TPP2: variants seen among roughly 807,000 people sequenced by gnomAD.
TPP2 encodes tripeptidyl peptidase 2, also known as tripeptidyl-peptidase 2.
TPP2 carries 34 observed loss-of-function variants against 155.9 expected under a neutral mutation model. The observed-to-expected ratio is 0.22, with a 90% CI of 0.17 to 0.29. The LOEUF (loss-of-function observed/expected upper bound fraction) is 0.29. TPP2 is among the 10% of genes least tolerant of loss of function. The pLI is 1.00. For missense variants in TPP2, 1,028 were observed against 1,522.3 expected, an observed-to-expected ratio of 0.68 and a Z score of 5.40; for synonymous variants, 510 against 529.4, an observed-to-expected ratio of 0.96 and a Z score of 0.50.
intron 3 of TPP2, among the ~76,000 whole-genome samples, chr13:102,615,184 A>G (rs1460027912): frequency 6.6e-6 from 1 of 152,222 alleles, no homozygotes; most frequent in Non-Finnish European, 1.5e-5. Flanking sequence ...TATAACTTCT[A>G]TTACATAATA....
intron 21 of TPP2, among the ~76,000 whole-genome samples, chr13:102,648,469 T>C (rs1883281182): frequency 6.6e-6 from 1 of 151,216 alleles, no homozygotes; most frequent in Non-Finnish European, 1.5e-5. Context: ...TGTGTGTGTA[T>C]TTGTCCTAGA....
intron 10 of TPP2, among the ~76,000 whole-genome samples, chr13:102,633,410 G>A (rs1882154733): frequency 1.3e-5 from 2 of 152,078 alleles, no homozygotes; most frequent in African/African-American, 4.8e-5. Context: ...ATTTTTCTTT[G>A]TATCTATTAA....
At chr13:102,638,583 C>A (rs1417663983) in intron 15 of TPP2, among the ~76,000 whole-genome samples, 1 of 152,178 alleles carries the variant, frequency 6.6e-6, no homozygotes, top group African/African-American at 2.4e-5. Context: ...CTGCATTGCC[C>A]AGTTCAGAGG....
At chr13:102,660,624 A>G (rs1040983660) in intron 25 of TPP2, among the ~76,000 whole-genome samples, 2 of 152,256 alleles carry the variant, frequency 1.3e-5, no homozygotes, top group Non-Finnish European at 2.9e-5. Flanking sequence ...GAAATTAACA[A>G]GCTGATTCTA....
Position 102,646,297 on chromosome 13 carries a change from A to G in TPP2, c.2397A>G (p.Pro799=), listed in dbSNP as rs1243070298. The G allele has an allele frequency of 6.2e-7, 1 of 1,611,682 alleles. No individual in the cohort carries two copies. The highest frequency in any genetic ancestry group is 8.5e-7 in the Non-Finnish European group (1 of 1,179,142). Residue 799 remains proline (P), a synonymous_variant, in exon 20 of 30, where the codon CCA becomes CCG. Coordinates refer to ENST00000376052, the MANE Select transcript of TPP2 (RefSeq NM_001330588.2). The part of the protein sequence containing the change: ...TLKNWVQTLR[P]VSAKTKPLGS... The stretch of plus-strand genomic sequence containing the variant: ...TTATGTAGTTTCCTCATTACAGCCC[A>G]GTGAGTGCAAAAACAAAACCTTTAG...
intron 1 of TPP2, among the ~76,000 whole-genome samples, chr13:102,603,561 G>T (rs180839618): frequency 2.6e-5 from 4 of 152,264 alleles, no homozygotes; most frequent in Non-Finnish European, 5.9e-5. Flanking sequence ...AAAAAGTTTG[G>T]CATGTTTCAG....
At chr13:102,676,148 CTT>C in intron 28 of TPP2, 146 bp from the exon 29 acceptor site, 4 of 697,056 alleles carry the variant, frequency 5.7e-6, no homozygotes, top group Non-Finnish European at 8.5e-6. Context: ...CACCAATTTT[CTT>C]TTTCAAAGTT....
intron 21 of TPP2, among the ~76,000 whole-genome samples, chr13:102,647,651 G>A (rs1450478181): frequency 2.0e-5 from 3 of 152,096 alleles, no homozygotes; most frequent in Non-Finnish European, 4.4e-5. Context: ...CCTATCTGAA[G>A]GTAGAATCAT....
chr13:102,648,605 T>C (rs12865178), intron 21 of TPP2, among the ~76,000 whole-genome samples: 8,334 of 152,130 alleles, frequency 0.055, 342 homozygotes, highest in Middle Eastern at 0.088. Context: ...TTGCTAAAAG[T>C]GTGGGAGTAT....
chr13:102,674,239 G>T (rs1278274124), intron 27 of TPP2, 44 bp from the exon 28 acceptor site: 1 of 1,563,228 alleles, frequency 6.4e-7, no homozygotes, highest in Admixed American at 1.9e-5. Context: ...TACTTTTAAA[G>T]ACATTTTACT....
chr13:102,670,858 A>T (rs1324058973), intron 27 of TPP2, among the ~76,000 whole-genome samples: 1 of 152,198 alleles, frequency 6.6e-6, no homozygotes, highest in Non-Finnish European at 1.5e-5. Flanking sequence ...TTCTAAGGAG[A>T]AGACAATTGT....
At chr13:102,608,772 C>G (rs1348608444) in intron 2 of TPP2, among the ~76,000 whole-genome samples, 2 of 152,004 alleles carry the variant, frequency 1.3e-5, no homozygotes, top group Non-Finnish European at 2.9e-5. Context: ...TCCTTTCTCC[C>G]TTTTTCTTCA....
At chr13:102,676,838 A>G (rs1209312590) in intron 29 of TPP2, among the ~76,000 whole-genome samples, 1 of 152,216 alleles carries the variant, frequency 6.6e-6, no homozygotes, top group Non-Finnish European at 1.5e-5. Flanking sequence ...ACCATATACA[A>G]TATTATGTGC....
At position 102,636,344 on chromosome 13, in the gene TPP2, C is replaced by G. The variant is rs1194865476; in HGVS notation, c.1630C>G (p.Pro544Ala). 6.2e-7 allele frequency: 1 copy of G among 1,613,574 alleles called. No individual in the cohort carries two copies. Residue 544 changes from proline (P) to alanine (A), a missense_variant, in exon 13 of 30, where the codon CCT becomes GCT. This residue lies in a region of TPP2 where 325 missense variants were observed against 463.7 expected (regional missense o/e 0.70). Coordinates refer to ENST00000376052, the MANE Select transcript of TPP2 (RefSeq NM_001330588.2). ...CCGAGATCCTGTTCAGGTGGCTGCA[C>G]CTTCAGATCATGGCGTTGGCATTGA... ...YLRDPVQVAA[P>A]SDHGVGIEPV...
chr13:102,637,198 G>A lies in TPP2; in HGVS notation c.1795G>A (p.Val599Met), dbSNP rs368938151. The change falls in exon 14 of 30, where the codon GTG (valine) becomes ATG (methionine). Residue 599 changes from valine (V) to methionine (M), a missense_variant. Val to Met is a conservative substitution (Grantham distance 21). Coordinates refer to ENST00000376052, the MANE Select transcript of TPP2 (RefSeq NM_001330588.2). The part of the protein sequence containing the change: ...MNQCRHINIR[V>M]DPRGLREGLH... ...TCAATGTAGACACATAAACATACGT[G>A]TGGATCCCAGGGGCTTAAGAGAAGG... 3.1e-6 allele frequency: 5 copies of A among 1,609,772 alleles called. No individual in the cohort carries two copies. The South Asian group carries it at 4.5e-5, about 14-fold the overall frequency.
chr13:102,656,111 C>T (rs1219062177), intron 24 of TPP2, among the ~76,000 whole-genome samples: 1 of 152,060 alleles, frequency 6.6e-6, no homozygotes, highest in Non-Finnish European at 1.5e-5. Context: ...TGTCTTCTTG[C>T]CTCCACCTTT....
At chr13:102,671,658 C>T (rs952277613) in intron 27 of TPP2, among the ~76,000 whole-genome samples, 6 of 152,150 alleles carry the variant, frequency 3.9e-5, no homozygotes, top group Non-Finnish European at 8.8e-5. Context: ...GCCAAGAGCT[C>T]CCCTTCTAAT....
At chr13:102,599,381 C>T (rs1313548277) in intron 1 of TPP2, among the ~76,000 whole-genome samples, 6 of 152,094 alleles carry the variant, frequency 3.9e-5, no homozygotes, top group Middle Eastern at 3.4e-3. Flanking sequence ...GGCTTGCAAA[C>T]GTGAGGATTT....
At chr13:102,598,863 A>G (rs1021516229) in intron 1 of TPP2, among the ~76,000 whole-genome samples, 9 of 152,228 alleles carry the variant, frequency 5.9e-5, no homozygotes, top group African/African-American at 2.2e-4. Flanking sequence ...TTATAAGAGG[A>G]CTGGCTAATT....
Sources: allele counts gnomAD v4.1 joint callset (sites outside exome capture counted in the v4.1 genomes callset), GRCh38; gene constraint gnomAD v4.1.1; regional missense constraint gnomAD v4.1.1; transcripts MANE v1.5; gene names NCBI Gene and HGNC (gene_info 2026-07-23, HGNC 2026-07-21).